LRBA: variants seen among roughly 807,000 people sequenced by gnomAD.
LRBA encodes LPS responsive beige-like anchor protein, also known as lipopolysaccharide-responsive and beige-like anchor protein.
A neutral mutation model predicts 330.0 loss-of-function variants in LRBA; 176 were observed. The ratio of observed to expected loss-of-function variants is 0.53; its 90% CI spans 0.47 to 0.60. The LOEUF is 0.60. Ranked by LOEUF, LRBA falls within the 20% of genes least tolerant of loss-of-function variation. The pLI is 0.00. For synonymous variants in LRBA, 1,230 were observed against 1,193.0 expected, an observed-to-expected ratio of 1.03 and a Z score of -0.64; for missense variants, 3,259 against 3,444.8, an observed-to-expected ratio of 0.95 and a Z score of 1.35.
At chr4:151,005,399 T>C (rs1579472384) in intron 2 of LRBA, among the ~76,000 whole-genome samples, 1 of 122,216 alleles carries the variant, frequency 8.2e-6, no homozygotes, top group Admixed American at 1.2e-4. Flanking sequence ...GATCGCACTA[T>C]TGCACTTCAG....
chr4:150,846,386 C>T (rs959443765), intron 26 of LRBA, among the ~76,000 whole-genome samples: 3 of 151,990 alleles, frequency 2.0e-5, no homozygotes, highest in African/African-American at 4.8e-5. Context: ...AAGAATTAGC[C>T]GGGTGTGGTG....
chr4:150,914,152 G>A, intron 9 of LRBA, 43 bp downstream of exon 9: 1 of 1,504,894 alleles, frequency 6.6e-7, no homozygotes, highest in Non-Finnish European at 9.0e-7. Context: ...TTCAAATCAA[G>A]CTGAACTAAC....
intron 34 of LRBA, among the ~76,000 whole-genome samples, chr4:150,783,462 C>T (rs990158392): frequency 6.6e-6 from 1 of 152,184 alleles, no homozygotes; most frequent in Non-Finnish European, 1.5e-5. Flanking sequence ...TTAAATTTAA[C>T]TTCAATTTTG....
At chr4:150,866,306 A>G (rs1157637242) in intron 22 of LRBA, among the ~76,000 whole-genome samples, 4 of 152,236 alleles carry the variant, frequency 2.6e-5, no homozygotes, top group African/African-American at 9.6e-5. Context: ...TAAAACTCCA[A>G]AAATAGTTAG....
chr4:150,577,792 A>G (rs1335911458), intron 40 of LRBA, among the ~76,000 whole-genome samples: 1 of 152,228 alleles, frequency 6.6e-6, no homozygotes, highest in Non-Finnish European at 1.5e-5. Flanking sequence ...ACGTTAACTC[A>G]GTAAATACAT....
intron 37 of LRBA, among the ~76,000 whole-genome samples, chr4:150,629,480 A>T (rs1777165467): frequency 6.6e-6 from 1 of 151,646 alleles, no homozygotes; most frequent in South Asian, 2.1e-4. Flanking sequence ...CTCTACTAAA[A>T]ATACAAAAAT....
At chr4:150,972,916 TCAAG>T (rs1245272302) in intron 2 of LRBA, among the ~76,000 whole-genome samples, 31 of 152,190 alleles carry the variant, frequency 2.0e-4, no homozygotes, top group Non-Finnish European at 4.1e-4. Flanking sequence ...AATAGTCAGA[TCAAG>T]TATCTTCTTA....
intron 34 of LRBA, among the ~76,000 whole-genome samples, chr4:150,771,468 A>G (rs1299009797): frequency 1.3e-5 from 2 of 152,326 alleles, no homozygotes; most frequent in Admixed American, 1.3e-4. Context: ...AGCAATGCTA[A>G]GCAATACAAT....
rs1255946530 is a variant in LRBA at position 150,456,579 on chromosome 4, C to T, written c.6780+11094G>A. Reference sequence around the variant, plus strand: ...CCTTACATATTCTGGTTATTAATCCCTTATCATATGAGTGGTTTGCTAATA... The same window carrying T: ...CCTTACATATTCTGGTTATTAATCCTTTATCATATGAGTGGTTTGCTAATA... On this transcript the variant is annotated intron_variant, in intron 44 of 56. Transcript: ENST00000651943. Among the ~76,000 whole-genome samples, 4 of 152,060 alleles carry T rather than the reference C, an allele frequency of 2.6e-5. No homozygotes were observed. The East Asian group carries it at 7.7e-4, about 29-fold the overall frequency.
chr4:150,285,182 G>A (rs1747991037), intron 54 of LRBA, among the ~76,000 whole-genome samples: 1 of 152,136 alleles, frequency 6.6e-6, no homozygotes, highest in Admixed American at 6.5e-5. Context: ...CAAATACTCT[G>A]TTTCCCCACC....
chr4:150,919,587 G>A (rs765820442), intron 5 of LRBA, among the ~76,000 whole-genome samples: 12 of 152,072 alleles, frequency 7.9e-5, no homozygotes, highest in African/African-American at 2.7e-4. Context: ...AAAAATGAAC[G>A]TTGCATTAAG....
chr4:150,908,574 T>C (rs2127165674), intron 10 of LRBA, 86 bp downstream of exon 10: 1 of 1,434,434 alleles, frequency 7.0e-7, no homozygotes, highest in Non-Finnish European at 9.6e-7. Context: ...TGACATTCCA[T>C]GTGTTTAACA....
intron 47 of LRBA, among the ~76,000 whole-genome samples, chr4:150,365,071 G>A (rs1365598106): frequency 6.6e-6 from 1 of 152,046 alleles, no homozygotes; most frequent in Non-Finnish European, 1.5e-5. Context: ...GTGCAGTGGT[G>A]TGAACACAGC....
intron 46 of LRBA, chr4:150,423,597 G>T: frequency 6.0e-6 from 2 of 335,242 alleles, no homozygotes; most frequent in Non-Finnish European, 1.1e-5. Context: ...CCCACAAAAG[G>T]AGAGACCGAA....
At chr4:150,611,486 T>C (rs1409545273) in intron 37 of LRBA, among the ~76,000 whole-genome samples, 1 of 152,184 alleles carries the variant, frequency 6.6e-6, no homozygotes, top group Non-Finnish European at 1.5e-5. Context: ...GTTCATTATA[T>C]TGGTATGAGT....
intron 37 of LRBA, among the ~76,000 whole-genome samples, chr4:150,606,679 C>T (rs1774668475): frequency 1.3e-5 from 2 of 152,134 alleles, no homozygotes; most frequent in African/African-American, 4.8e-5. Context: ...GTAAGTTTTA[C>T]CCATTGGTAG....
At chr4:150,658,517 CT>C (rs1581948792) in intron 37 of LRBA, among the ~76,000 whole-genome samples, 1 of 82 alleles carries the variant, frequency 0.012, no homozygotes, top group Non-Finnish European at 0.026. Context: ...CTCCCTCTCC[CT>C]CTCCCTCTCC....
intron 40 of LRBA, among the ~76,000 whole-genome samples, chr4:150,553,479 A>G (rs1398363974): frequency 1.3e-5 from 2 of 151,998 alleles, no homozygotes; most frequent in East Asian, 1.9e-4. Flanking sequence ...GAAAAAAAAA[A>G]TAACACTCCC....
intron 37 of LRBA, among the ~76,000 whole-genome samples, chr4:150,675,202 A>G (rs889829360): frequency 3.3e-5 from 5 of 152,154 alleles, no homozygotes; most frequent in Non-Finnish European, 5.9e-5. Flanking sequence ...CAAAACAAAA[A>G]AACAAAAAAA....
Sources: gnomAD v4.1 joint callset for allele counts (sites outside exome capture counted in the v4.1 genomes callset) on GRCh38, gnomAD v4.1.1 for gene constraint, MANE v1.5 for transcripts, NCBI Gene and HGNC (gene_info 2026-07-23, HGNC 2026-07-21) for gene names.